The following MED13 variants were observed in gnomAD, a reference collection of about 807,000 sequenced individuals.
MED13 encodes mediator of RNA polymerase II transcription subunit 13.
In MED13, 23 loss-of-function variants were observed where a neutral mutation model predicts 225.2. The ratio of observed to expected loss-of-function variants is 0.10; its 90% CI spans 0.07 to 0.14. The LOEUF is 0.14. Among genes scored for constraint, MED13 ranks in the 10% least tolerant of loss-of-function variants. The pLI is 1.00. For synonymous variants in MED13, 942 were observed against 889.2 expected (o/e 1.06, Z -1.06); for missense variants, 2,197 against 2,594.5 (o/e 0.85, Z 3.33).
In MED13 at chr17:61,956,494, T is replaced by C; in HGVS notation, c.5481-13A>G. On this transcript the variant is annotated splice_polypyrimidine_tract_variant and intron_variant, in intron 23 of 29. Transcript: ENST00000397786. ...TTTCCGACGAGCCCTATTGTGTGAATAAAGAGAGTGTCATAAATATTTCTA... is the reference window on the plus strand; with the variant it reads ...TTTCCGACGAGCCCTATTGTGTGAACAAAGAGAGTGTCATAAATATTTCTA... The C allele has an allele frequency of 6.9e-6, 11 of 1,592,652 alleles. No homozygotes were observed. Among genetic ancestry groups the C allele is most frequent in the East Asian group, 2.2e-5 (1 of 44,704 alleles).
chr17:62,039,758 GTTT>G (rs931131842), intron 3 of MED13, among the ~76,000 whole-genome samples: 1 of 151,574 alleles, frequency 6.6e-6, no homozygotes, highest in South Asian at 2.1e-4. Context: ...CGTCCGGCTA[GTTT>G]TTTTTGTATT....
chr17:62,036,849 G>C (rs1469122177), intron 3 of MED13: 2 of 152,216 alleles, frequency 1.3e-5, no homozygotes, highest in Admixed American at 1.3e-4. Context: ...TCTGAAGGTA[G>C]TGAGTTACCT....
At chr17:62,013,801 G>C (rs956441334) in intron 8 of MED13, among the ~76,000 whole-genome samples, 2 of 152,180 alleles carry the variant, frequency 1.3e-5, no homozygotes, top group African/African-American at 4.8e-5. Flanking sequence ...AGCACTTTGG[G>C]AGGCCGAGGT....
At position 61,966,669 on chromosome 17, in the gene MED13, G is replaced by A. The variant is rs749772411; in HGVS notation, c.4192-18C>T. 6.6e-6 allele frequency: 10 copies of A among 1,512,288 alleles called. No individual in the cohort carries two copies. In the Admixed American group the frequency reaches 6.8e-5, roughly 10 times the overall value. The allele number at this position is 1,512,288 out of a possible 1,614,324, so 93.7% of individuals were successfully genotyped here. On this transcript the variant is annotated intron_variant, in intron 18 of 29. Coordinates refer to ENST00000397786, the MANE Select transcript of MED13 (RefSeq NM_005121.3). ...CGACAGGACTACAAATATACATACA[G>A]AAAGCAGAATTAGTAAATTTATTAT...
At chr17:61,966,194 C>G (rs2080056469) in intron 19 of MED13, among the ~76,000 whole-genome samples, 1 of 152,010 alleles carries the variant, frequency 6.6e-6, no homozygotes, top group Non-Finnish European at 1.5e-5. Flanking sequence ...TATTTATAAC[C>G]CATAATTTCT....
intron 9 of MED13, chr17:62,006,289 G>T (rs1246845120): frequency 7.5e-6 from 1 of 132,800 alleles, no homozygotes; most frequent in Non-Finnish European, 1.6e-5. Context: ...AAAAAAGGGG[G>T]GGGGGAGGGA....
At chr17:61,955,289 A>T (rs4968463) in intron 26 of MED13, 93 bp downstream of exon 26, 188,256 of 1,097,404 alleles carry the variant, frequency 0.17, 18,455 homozygotes, top group East Asian at 0.47. Flanking sequence ...ATTTTTTGGT[A>T]AAACAAGGTA....
chr17:61,954,152 A>ATACCATGTTCTTTAT (rs1443433976), intron 26 of MED13, among the ~76,000 whole-genome samples: 14 of 152,242 alleles, frequency 9.2e-5, no homozygotes, highest in African/African-American at 3.4e-4. Context: ...TTTACGAATA[A>ATACCATGTTCTTTAT]TACCATGTTC....
intron 8 of MED13, among the ~76,000 whole-genome samples, chr17:62,015,950 ATATATTTTTTTTTTTTTTTT>A (rs1485999779): frequency 2.2e-4 from 3 of 13,778 alleles, no homozygotes; most frequent in Non-Finnish European, 3.8e-4. Context: ...ATATATATAT[ATATATTTTTTTTTTTTTTTT>A]TTTTTTTTTT....
chr17:61,958,605 G>A (rs1275532312), intron 23 of MED13, among the ~76,000 whole-genome samples: 4 of 152,050 alleles, frequency 2.6e-5, no homozygotes, highest in Non-Finnish European at 5.9e-5. Flanking sequence ...CCAAAGTGCT[G>A]GGATTACAGG....
At chr17:62,049,940 A>AAAAAAAAAAAAAAG (rs2080940825) in intron 3 of MED13, among the ~76,000 whole-genome samples, 1 of 151,876 alleles carries the variant, frequency 6.6e-6, no homozygotes, top group Non-Finnish European at 1.5e-5. Flanking sequence ...CAAAAAAAAA[A>AAAAAAAAAAAAAAG]AAAGAATGAA....
intron 8 of MED13, among the ~76,000 whole-genome samples, chr17:62,016,351 T>C (rs1158544831): frequency 6.6e-6 from 1 of 152,072 alleles, no homozygotes; most frequent in Non-Finnish European, 1.5e-5. Flanking sequence ...TGGGTTCTTT[T>C]TGAATACTTT....
chr17:61,946,422 TC>T lies in MED13; in HGVS notation c.*45del. On this transcript the variant is annotated 3_prime_UTR_variant, in exon 30 of 30. Coordinates refer to ENST00000397786, the MANE Select transcript of MED13 (RefSeq NM_005121.3). ...TGTAACTTAATCCTGCAGCGAAACA[TC>T]CATTTTTCCTTGTTCTTTTCTTGCA... 6.3e-7 allele frequency: 1 copy of T among 1,591,592 alleles called. No homozygotes were observed. The highest frequency in any genetic ancestry group is 8.6e-7 in the Non-Finnish European group (1 of 1,164,890).
chr17:61,950,804 C>G, intron 28 of MED13, 21 bp downstream of exon 28: 6 of 1,595,116 alleles, frequency 3.8e-6, no homozygotes, highest in Non-Finnish European at 4.3e-6. Context: ...TATTTAGGAA[C>G]TGGGACAGAA....
intron 16 of MED13, among the ~76,000 whole-genome samples, chr17:61,980,784 C>T (rs1018362193): frequency 1.3e-5 from 2 of 152,202 alleles, no homozygotes; most frequent in Admixed American, 6.5e-5. Context: ...GCTCTGTTGC[C>T]CAGGCTGGAG....
In MED13 at chr17:62,035,472, G is replaced by A. The variant is rs771827188; in HGVS notation, c.607C>T (p.Pro203Ser). The A allele has an allele frequency of 6.2e-7, 1 of 1,602,586 alleles. No individual in the cohort carries two copies. The highest frequency in any genetic ancestry group is 1.1e-5 in the South Asian group (1 of 88,256). The change falls in exon 4 of 30, where the codon CCA becomes TCA. Residue 203 changes from proline to serine, a missense_variant. By Grantham distance (74) the Pro-to-Ser change is moderately conservative. Transcript: ENST00000397786. ...TAATAAAATAATCTACCTTGAAATG[G>A]GCTATTAGACTGTTGAGCAAGGGTG... ...HITLAQQSNS[P>S]FQVILCPFGL...
At chr17:61,972,343 C>A (rs954371472) in intron 17 of MED13, among the ~76,000 whole-genome samples, 3 of 152,090 alleles carry the variant, frequency 2.0e-5, no homozygotes, top group Non-Finnish European at 4.4e-5. Context: ...CCTTAGGGGG[C>A]CTTTTATCAC....
chr17:61,975,951 G>A (rs1227662757), intron 16 of MED13, among the ~76,000 whole-genome samples: 2 of 152,102 alleles, frequency 1.3e-5, no homozygotes, highest in African/African-American at 4.8e-5. Context: ...GGGAGGTGGA[G>A]GTTGCAGTGA....
chr17:61,987,865 C>T (rs921981550), intron 11 of MED13, among the ~76,000 whole-genome samples: 7 of 152,042 alleles, frequency 4.6e-5, no homozygotes, highest in African/African-American at 1.7e-4. Flanking sequence ...AATCCTCCCA[C>T]CCCAGTAGCT....
Sources: gnomAD v4.1 joint callset for allele counts (sites outside exome capture counted in the v4.1 genomes callset) on GRCh38, gnomAD v4.1.1 for gene constraint, MANE v1.5 for transcripts, NCBI Gene and HGNC (gene_info 2026-07-23, HGNC 2026-07-21) for gene names.